The following BICC1 variants were observed in gnomAD, a reference collection of about 807,000 sequenced individuals.
BICC1 encodes the protein BicC family RNA binding protein 1.
Under a neutral mutation model 111.0 loss-of-function variants are expected in BICC1, and 43 were observed. The observed-to-expected ratio is 0.39, with a 90% CI of 0.30 to 0.50. The LOEUF (loss-of-function observed/expected upper bound fraction) is 0.50, where lower values mean the gene tolerates loss of function less well. BICC1 is among the 20% of genes least tolerant of loss of function. The probability of loss-of-function intolerance (pLI) is 0.88; values close to 1 mark genes in which losing one functional copy is unlikely to be tolerated. For synonymous variants in BICC1, 467 were observed against 434.4 expected, an observed-to-expected ratio of 1.07 and a Z score of -0.93; for missense variants, 1,091 against 1,203.2, an observed-to-expected ratio of 0.91 and a Z score of 1.38.
chr10:58,558,057 AC>A (rs1254626674), intron 1 of BICC1, among the ~76,000 whole-genome samples: 1 of 151,978 alleles, frequency 6.6e-6, no homozygotes, highest in Non-Finnish European at 1.5e-5. Context: ...GGCTAGTTTT[AC>A]CTCCTACTGA....
At chr10:58,825,238 G>T (rs563367000) in intron 20 of BICC1, among the ~76,000 whole-genome samples, 1 of 152,134 alleles carries the variant, frequency 6.6e-6, no homozygotes, top group African/African-American at 2.4e-5. Flanking sequence ...AGCCATGGGG[G>T]CTGTGGCTTA....
At chr10:58,648,728 T>G (rs7913344) in intron 2 of BICC1, 1 of 855,116 alleles carries the variant, frequency 1.2e-6, no homozygotes. Flanking sequence ...TAATGCTACT[T>G]GCTACTCCTG....
intron 17 of BICC1, among the ~76,000 whole-genome samples, chr10:58,808,507 A>G (rs1214621100): frequency 6.6e-6 from 1 of 152,126 alleles, no homozygotes; most frequent in Non-Finnish European, 1.5e-5. Context: ...TAAGACCAAC[A>G]GTAGGACAAG....
At chr10:58,589,806 T>A (rs978657382) in intron 1 of BICC1, among the ~76,000 whole-genome samples, 3 of 152,086 alleles carry the variant, frequency 2.0e-5, no homozygotes, top group Non-Finnish European at 2.9e-5. Context: ...TATTATTATT[T>A]TTTTTAGTGA....
At chr10:58,737,513 G>A (rs900763101) in intron 3 of BICC1, among the ~76,000 whole-genome samples, 1 of 152,166 alleles carries the variant, frequency 6.6e-6, no homozygotes, top group African/African-American at 2.4e-5. Flanking sequence ...GGACATTTGG[G>A]TTGGTTCCAA....
Position 58,830,879 on chromosome 10 carries a change from TTA to T in BICC1, c.*1990_*1991del, listed in dbSNP as rs1564638092. The T allele has an allele frequency of 6.6e-6, 1 of 152,186 alleles. No individual in the cohort carries two copies. Among genetic ancestry groups the T allele is most frequent in the African/African-American group, 2.4e-5 (1 of 41,450 alleles). 9.4% of individuals were successfully genotyped at this position (152,186 alleles called of 1,614,324 possible). ...GTAGTACAGGTTAACAATACCAGAT[TTA>T]TGTCCTGTTCAACAACTCAGTACTC... is the stretch of plus-strand genomic sequence containing the variant. On this transcript the variant is annotated 3_prime_UTR_variant, in exon 21 of 21. Transcript: ENST00000373886.
chr10:58,712,194 C>CAACA (rs1218550679), intron 3 of BICC1, among the ~76,000 whole-genome samples: 1 of 152,036 alleles, frequency 6.6e-6, no homozygotes, highest in East Asian at 1.9e-4. Flanking sequence ...CAAACACTGA[C>CAACA]AACACCAAAT....
chr10:58,639,162 A>T (rs1838042884), intron 2 of BICC1, among the ~76,000 whole-genome samples: 1 of 152,112 alleles, frequency 6.6e-6, no homozygotes, highest in Non-Finnish European at 1.5e-5. Context: ...TGTATAATAG[A>T]TCTCTGAATT....
chr10:58,692,855 T>C (rs1839951615), intron 2 of BICC1, among the ~76,000 whole-genome samples: 1 of 151,980 alleles, frequency 6.6e-6, no homozygotes, highest in Non-Finnish European at 1.5e-5. Context: ...TTTTGATTTT[T>C]TTTTTAAATT....
At chr10:58,611,286 C>T (rs778248607) in intron 1 of BICC1, among the ~76,000 whole-genome samples, 9 of 152,100 alleles carry the variant, frequency 5.9e-5, no homozygotes, top group Non-Finnish European at 1.3e-4. Flanking sequence ...TAAACAGACC[C>T]AAGAATTCTA....
chr10:58,594,190 G>T (rs1388636581), intron 1 of BICC1, among the ~76,000 whole-genome samples: 2 of 152,066 alleles, frequency 1.3e-5, no homozygotes, highest in African/African-American at 4.8e-5. Context: ...AGGATAAAAA[G>T]GAATGAACAA....
intron 17 of BICC1, among the ~76,000 whole-genome samples, chr10:58,810,380 T>G (rs954104146): frequency 6.6e-6 from 1 of 152,174 alleles, no homozygotes; most frequent in African/African-American, 2.4e-5. Context: ...CCTGCTAGAT[T>G]CCAGCATGGA....
At chr10:58,517,567 C>T (rs773159269) in intron 1 of BICC1, among the ~76,000 whole-genome samples, 1 of 152,118 alleles carries the variant, frequency 6.6e-6, no homozygotes, top group Non-Finnish European at 1.5e-5. Flanking sequence ...CTTAAATAAA[C>T]AGAGTTTTCT....
At chr10:58,707,424 A>G (rs1227239110) in intron 3 of BICC1, among the ~76,000 whole-genome samples, 2 of 152,084 alleles carry the variant, frequency 1.3e-5, no homozygotes, top group Admixed American at 6.5e-5. Flanking sequence ...GTGGGTTGCA[A>G]CCTATTCGTG....
chr10:58,814,035 G>A (rs1423792462), intron 18 of BICC1, 49 bp downstream of exon 18: 2 of 1,603,272 alleles, frequency 1.2e-6, no homozygotes, highest in Admixed American at 1.7e-5. Flanking sequence ...AGATTAGAAT[G>A]TGTTTATTTG....
At chr10:58,611,811 T>A (rs1845433204) in intron 1 of BICC1, among the ~76,000 whole-genome samples, 1 of 152,080 alleles carries the variant, frequency 6.6e-6, no homozygotes, top group Admixed American at 6.6e-5. Flanking sequence ...TTTTATACTT[T>A]AAAAAACCAA....
chr10:58,530,623 T>C (rs1283937849), intron 1 of BICC1, among the ~76,000 whole-genome samples: 2 of 146,458 alleles, frequency 1.4e-5, no homozygotes, highest in African/African-American at 5.0e-5. Flanking sequence ...GAATCAGAGA[T>C]GAAGGTGAGA....
intron 1 of BICC1, among the ~76,000 whole-genome samples, chr10:58,608,187 TAAC>T (rs1041211062): frequency 1.3e-5 from 2 of 152,078 alleles, no homozygotes; most frequent in African/African-American, 4.8e-5. Flanking sequence ...CCGCATTCTA[TAAC>T]AACCATAAAA....
intron 3 of BICC1, among the ~76,000 whole-genome samples, chr10:58,710,703 T>C (rs1305858573): frequency 1.3e-5 from 2 of 152,156 alleles, no homozygotes; most frequent in African/African-American, 4.8e-5. Flanking sequence ...TGTTATAAAT[T>C]GCTTGTTGTG....
Sources: allele counts gnomAD v4.1 joint callset (sites outside exome capture counted in the v4.1 genomes callset), GRCh38; gene constraint gnomAD v4.1.1; transcripts MANE v1.5; gene names NCBI Gene and HGNC (gene_info 2026-07-23, HGNC 2026-07-21).